The following PIGK variants were observed in gnomAD, a reference collection of about 807,000 sequenced individuals.
PIGK encodes the protein phosphatidylinositol glycan anchor biosynthesis class K, also known as GPI-anchor transamidase.
A neutral mutation model predicts 50.6 loss-of-function variants in PIGK; 42 were observed. That is an observed-to-expected ratio of 0.83 (90% CI 0.65 to 1.07). PIGK has a LOEUF of 1.07. Among genes scored for constraint, PIGK ranks in the 50% least tolerant of loss-of-function variants. PIGK has a pLI of 0.00. For synonymous variants in PIGK, 151 were observed against 156.0 expected (o/e 0.97, Z 0.24); for missense variants, 448 against 488.7 (o/e 0.92, Z 0.78).
chr1:77,209,503 T>C (rs980963924), intron 2 of PIGK, among the ~76,000 whole-genome samples: 4 of 152,100 alleles, frequency 2.6e-5, no homozygotes, highest in African/African-American at 9.7e-5. Flanking sequence ...TAAGAATACA[T>C]AGCTGACTTG....
intron 3 of PIGK, among the ~76,000 whole-genome samples, chr1:77,174,537 T>C (rs943429088): frequency 6.6e-6 from 1 of 152,190 alleles, no homozygotes; most frequent in African/African-American, 2.4e-5. Context: ...TGGTGTGTAA[T>C]AATCAGGTAG....
At chr1:77,197,569 C>T (rs1362919885) in intron 3 of PIGK, among the ~76,000 whole-genome samples, 1 of 152,186 alleles carries the variant, frequency 6.6e-6, no homozygotes, top group Admixed American at 6.6e-5. Flanking sequence ...AATGCAGCCA[C>T]TCATGTTCTC....
intron 8 of PIGK, among the ~76,000 whole-genome samples, chr1:77,157,678 T>A (rs1331495197): frequency 6.6e-6 from 1 of 152,198 alleles, no homozygotes; most frequent in Non-Finnish European, 1.5e-5. Context: ...ATATATAATC[T>A]TCAAAACGAA....
chr1:77,149,692 C>A (rs1456075556), intron 9 of PIGK, among the ~76,000 whole-genome samples: 2 of 151,994 alleles, frequency 1.3e-5, no homozygotes, highest in Non-Finnish European at 2.9e-5. Flanking sequence ...GACAGATCAT[C>A]CAAGCAGAAA....
intron 3 of PIGK, among the ~76,000 whole-genome samples, chr1:77,199,063 A>T (rs980672748): frequency 2.0e-5 from 3 of 152,084 alleles, no homozygotes; most frequent in African/African-American, 7.2e-5. Context: ...CAAATCAATA[A>T]AGAAATTTCC....
At chr1:77,191,415 T>C (rs1655901015) in intron 3 of PIGK, among the ~76,000 whole-genome samples, 1 of 152,232 alleles carries the variant, frequency 6.6e-6, no homozygotes, top group Non-Finnish European at 1.5e-5. Context: ...CTAACTAAGC[T>C]ACTATAATAA....
At chr1:77,149,006 C>T (rs35799710) in intron 9 of PIGK, among the ~76,000 whole-genome samples, 6,698 of 152,160 alleles carry the variant, frequency 0.044, 255 homozygotes, top group Admixed American at 0.12. Context: ...TGAGCCACCA[C>T]GCCCAGCCAT....
intron 9 of PIGK, among the ~76,000 whole-genome samples, chr1:77,146,734 T>C (rs767675871): frequency 2.1e-5 from 3 of 145,632 alleles, no homozygotes; most frequent in Non-Finnish European, 4.6e-5. Flanking sequence ...GAGGCGGAGG[T>C]TGCGGTGAGC....
At chr1:77,119,527 G>C (rs951120106) in intron 10 of PIGK, among the ~76,000 whole-genome samples, 4 of 152,100 alleles carry the variant, frequency 2.6e-5, no homozygotes, top group Non-Finnish European at 1.5e-5. Flanking sequence ...CATAACTTGA[G>C]TCTCCTGGGT....
At chr1:77,146,608 C>A (rs1654774664) in intron 9 of PIGK, among the ~76,000 whole-genome samples, 1 of 152,064 alleles carries the variant, frequency 6.6e-6, no homozygotes, top group Non-Finnish European at 1.5e-5. Context: ...CCAGCCTGGG[C>A]AACACGGCGA....
At chr1:77,207,062 G>A (rs945660580) in intron 2 of PIGK, among the ~76,000 whole-genome samples, 1 of 152,148 alleles carries the variant, frequency 6.6e-6, no homozygotes, top group Admixed American at 6.5e-5. Flanking sequence ...AGCTACTTGG[G>A]AGGCTGAGGC....
At chr1:77,209,696 G>A (rs576556722) in intron 2 of PIGK, among the ~76,000 whole-genome samples, 39 of 152,110 alleles carry the variant, frequency 2.6e-4, no homozygotes, top group South Asian at 4.1e-4. Context: ...CCATAAACTG[G>A]AGGTTACAGT....
intron 1 of PIGK, among the ~76,000 whole-genome samples, chr1:77,218,571 G>A (rs1656640661): frequency 6.6e-6 from 1 of 152,154 alleles, no homozygotes; most frequent in Non-Finnish European, 1.5e-5. Flanking sequence ...AGAGGAGGTA[G>A]GATAAGCAGA....
At chr1:77,159,189 AG>A (rs1471124221) in intron 8 of PIGK, among the ~76,000 whole-genome samples, 1 of 152,148 alleles carries the variant, frequency 6.6e-6, no homozygotes, top group East Asian at 1.9e-4. Flanking sequence ...ATAGCTTCAG[AG>A]GGTGTAAGCT....
At chr1:77,207,371 C>A (rs867581961) in intron 2 of PIGK, among the ~76,000 whole-genome samples, 1 of 152,102 alleles carries the variant, frequency 6.6e-6, no homozygotes, top group Non-Finnish European at 1.5e-5. Context: ...GAATCAAAGA[C>A]AATGCCCATA....
rs1185318597 is a variant in PIGK at position 77,096,909 on chromosome 1, TTTTTG to T, written c.1072-4424_1072-4420del. On this transcript the variant is annotated intron_variant, in intron 10 of 10. Transcript: ENST00000370812. ...TTTTTTTTTTTTTTGTTTTTTTGTT[TTTTTG>T]TTTTGTTTTGTTTTGTTTGTTTTTT... Among the ~76,000 whole-genome samples, 28 of 151,508 alleles carry T rather than the reference TTTTTG, an allele frequency of 1.8e-4. No individual in the cohort carries two copies. The East Asian group carries it at 3.9e-3, about 21-fold the overall frequency.
At chr1:77,195,604 G>C (rs1656016159) in intron 3 of PIGK, among the ~76,000 whole-genome samples, 1 of 152,146 alleles carries the variant, frequency 6.6e-6, no homozygotes, top group South Asian at 2.1e-4. Context: ...ACGGGCTCCA[G>C]TATTTTGCCA....
At chr1:77,149,924 A>G (rs1477801930) in intron 9 of PIGK, among the ~76,000 whole-genome samples, 1 of 152,170 alleles carries the variant, frequency 6.6e-6, no homozygotes, top group Non-Finnish European at 1.5e-5. Context: ...AAAAAACCTA[A>G]AAGTCAATAA....
At chr1:77,120,173 A>C (rs1029682232) in intron 10 of PIGK, among the ~76,000 whole-genome samples, 6 of 152,174 alleles carry the variant, frequency 3.9e-5, no homozygotes, top group Non-Finnish European at 7.3e-5. Flanking sequence ...TAGCTAACCT[A>C]ATTATCACAT....
Sources: gnomAD v4.1 joint callset for allele counts (sites outside exome capture counted in the v4.1 genomes callset) on GRCh38, gnomAD v4.1.1 for gene constraint, MANE v1.5 for transcripts, NCBI Gene and HGNC (gene_info 2026-07-23, HGNC 2026-07-21) for gene names.